The following AHNAK2 variants were observed in gnomAD, a reference collection of about 807,000 sequenced individuals.
AHNAK2 encodes the protein protein AHNAK2.
Under a neutral mutation model 30.7 loss-of-function variants are expected in AHNAK2, and 18 were observed. That is an observed-to-expected ratio of 0.59 (90% CI 0.41 to 0.87). The LOEUF is 0.87. Ranked by LOEUF, AHNAK2 falls within the 40% of genes least tolerant of loss-of-function variation. AHNAK2 has a pLI of 0.00. For missense variants in AHNAK2, 8,604 were observed against 7,373.0 expected, an observed-to-expected ratio of 1.17 and a Z score of -6.11; for synonymous variants, 3,590 against 3,073.8, an observed-to-expected ratio of 1.17 and a Z score of -5.56.
In AHNAK2 at chr14:104,950,584, T is replaced by G. The variant is rs903146649; in HGVS notation, c.4867A>C (p.Ser1623Arg). The G allele has an allele frequency of 7.6e-6, 12 of 1,587,148 alleles. 2 individuals carry two copies. Among genetic ancestry groups the G allele is most frequent in the Non-Finnish European group, 9.5e-6 (11 of 1,162,930 alleles). The change falls in exon 7 of 7, where the codon AGC (serine) becomes CGC (arginine). Residue 1623 changes from serine (S) to arginine (R), a missense_variant. By Grantham distance (110) the Ser-to-Arg change is moderately radical. Coordinates refer to ENST00000333244, the MANE Select transcript of AHNAK2 (RefSeq NM_138420.4). ...GGGGCCTGGACGTCCACCTCCATGC[T>G]GGACAGAGACATCTTCACATCGGGG... Reference protein sequence around the residue: ...TAPDVKMSLSSMEVDVQAPRA... With the variant: ...TAPDVKMSLSRMEVDVQAPRA...
rs1171286107 is a variant in AHNAK2 at position 104,938,038 on chromosome 14, C to G, written c.*25G>C. 14 of 1,603,370 alleles carry G rather than the reference C, an allele frequency of 8.7e-6. No homozygotes were observed. In the Admixed American group the frequency reaches 2.4e-4, roughly 27 times the overall value. On this transcript the variant is annotated 3_prime_UTR_variant, in exon 7 of 7. Transcript: ENST00000333244. ...CTTTCCAACTTAGTTTTTTGCATCT[C>G]TCTTGTACTGATGAGCCATACCTCT...
rs766737453 is a variant in AHNAK2 at position 104,942,639 on chromosome 14, G to A, written c.12812C>T (p.Pro4271Leu). ...CCGCACACTGTCCAGCTTGGCTCCC[G>A]GGGCCTCGACGTCCACCTCCATGCT... ...LPSMEVDVEA[P>L]GAKLDSVRLE... Residue 4271 changes from proline to leucine, a missense_variant, in exon 7 of 7, where the codon CCG becomes CTG. Transcript: ENST00000333244. The A allele has an allele frequency of 9.3e-6, 15 of 1,612,516 alleles. No homozygotes were observed. Among genetic ancestry groups the A allele is most frequent in the Non-Finnish European group, 1.1e-5 (13 of 1,179,066 alleles).
intron 1 of AHNAK2, among the ~76,000 whole-genome samples, chr14:104,968,096 C>T (rs1465791027): frequency 2.0e-5 from 3 of 152,236 alleles, no homozygotes; most frequent in South Asian, 2.1e-4. Context: ...CTGGTCAGGC[C>T]GTTGGCACCT....
chr14:104,963,304 G>A (rs1010270704), intron 1 of AHNAK2, among the ~76,000 whole-genome samples: 7 of 152,206 alleles, frequency 4.6e-5, no homozygotes, highest in Non-Finnish European at 7.3e-5. Context: ...CGTACACAAA[G>A]CTGTGATGAT....
At chr14:104,967,068 A>G (rs57499144) in intron 1 of AHNAK2, among the ~76,000 whole-genome samples, 4,387 of 152,210 alleles carry the variant, frequency 0.029, 211 homozygotes, top group African/African-American at 0.098. Context: ...CCCTGGCAGC[A>G]GGTGCAGCTG....
chr14:104,972,909 G>A (rs1322977296), intron 1 of AHNAK2, among the ~76,000 whole-genome samples: 2 of 152,222 alleles, frequency 1.3e-5, no homozygotes, highest in African/African-American at 2.4e-5. Context: ...CAGGCTGGAG[G>A]CCCTGGGCTC....
rs754124779 is a variant in AHNAK2 at position 104,955,524 on chromosome 14, A to C, written c.425T>G (p.Leu142Arg). 1.9e-6 allele frequency: 3 copies of C among 1,613,660 alleles called. No individual in the cohort carries two copies. Among genetic ancestry groups the C allele is most frequent in the Non-Finnish European group, 1.7e-6 (2 of 1,179,802 alleles). The change falls in exon 5 of 7, where the codon CTG becomes CGG. Residue 142 changes from leucine (L) to arginine (R), a missense_variant. Transcript: ENST00000333244. ...AAGCTTGGCGGCTGAGGAGTCCTTC[A>C]GCACTTGCTTGACGAAGATCCCCTG... ...GDQGIFVKQV[L>R]KDSSAAKLFN...
In AHNAK2 at chr14:104,947,288, A is replaced by C. The variant is rs780127043; in HGVS notation, c.8163T>G (p.Val2721=). 3.9e-5 allele frequency: 62 copies of C among 1,608,368 alleles called. 1 individual carries two copies. Among genetic ancestry groups the C allele is most frequent in the East Asian group, 1.8e-4 (8 of 44,420 alleles). ...GCCCTTTGAGGCCGGCTCCCTCGGG[A>C]ACGTGGCCCTCTGGGAGTTTCACAT... ...QVDVKLPEGH[V]PEGAGLKGHL... is the part of the protein sequence containing the mutation. Residue 2721 remains valine, a synonymous_variant, in exon 7 of 7, where the codon GTT becomes GTG. Transcript: ENST00000333244.
chr14:104,966,332 C>A lies in AHNAK2; in HGVS notation c.56-8660G>T, dbSNP rs984863857. On this transcript the variant is annotated intron_variant, in intron 1 of 6. Coordinates refer to ENST00000333244, the MANE Select transcript of AHNAK2 (RefSeq NM_138420.4). This position sits in a 1 kb window ranked among gnomAD's most constrained non-coding sequence, Gnocchi z 4.3. ...TCCCCCACCTGCCAAACCAGCCTTG[C>A]CCACGGTGTCAGCCCAAGAATTGTA... Among the ~76,000 whole-genome samples, 5 of 152,130 alleles carry A rather than the reference C, an allele frequency of 3.3e-5. No homozygotes were observed. The highest frequency in any genetic ancestry group is 4.8e-5 in the African/African-American group (2 of 41,408).
chr14:104,955,720 G>A, intron 4 of AHNAK2, 87 bp from the exon 5 acceptor site: 3 of 1,507,320 alleles, frequency 2.0e-6, no homozygotes, highest in Middle Eastern at 2.1e-4. Flanking sequence ...TCCAGAGGAT[G>A]GGCACCCCAC....
rs1337032041 is a variant in AHNAK2 at position 104,941,704 on chromosome 14, T to C, written c.13747A>G (p.Met4583Val). The C allele has an allele frequency of 1.2e-6, 2 of 1,613,720 alleles. No individual in the cohort carries two copies. The highest frequency in any genetic ancestry group is 1.3e-5 in the African/African-American group (1 of 74,976). ...LDLKGPKAEV[M>V]APDVEVSLPS... ...AGAGACACCTCCACATCGGGGGCCA[T>C]CACCTCTGCCTTTGGGCCTTTCAGG... The change falls in exon 7 of 7, where the codon ATG (methionine) becomes GTG (valine). Residue 4583 changes from methionine to valine, a missense_variant. Met to Val is a conservative substitution (Grantham distance 21). Transcript: ENST00000333244.
chr14:104,949,628 T>G lies in AHNAK2; in HGVS notation c.5823A>C (p.Glu1941Asp), dbSNP rs751555786. Residue 1941 changes from glutamate (E) to aspartate (D), a missense_variant, in exon 7 of 7, where the codon GAA becomes GAC. Glu to Asp is a conservative substitution (Grantham distance 45). Coordinates refer to ENST00000333244, the MANE Select transcript of AHNAK2 (RefSeq NM_138420.4). ...AKLDLKGPKAEVTAPDVEVSL... is the reference protein window; with the variant it reads ...AKLDLKGPKADVTAPDVEVSL... Reference sequence around the variant, plus strand: ...ACACCTCGACATCGGGGGCTGTCACTTCCGCCTTGGGGCCTTTCAGGTCCA... The same window carrying G: ...ACACCTCGACATCGGGGGCTGTCACGTCCGCCTTGGGGCCTTTCAGGTCCA... The G allele has an allele frequency of 4.8e-5, 76 of 1,586,776 alleles. 8 individuals are homozygous for G. The South Asian group carries it at 8.1e-4, about 17-fold the overall frequency.
chr14:104,956,028 G>A (rs1300108643), intron 4 of AHNAK2, among the ~76,000 whole-genome samples: 4 of 152,208 alleles, frequency 2.6e-5, no homozygotes, highest in Non-Finnish European at 4.4e-5. Context: ...TGATGCTCAA[G>A]ACAAGGAAGC....
In AHNAK2 at chr14:104,941,822, T is replaced by C. The variant is rs747559750; in HGVS notation, c.13629A>G (p.Lys4543=). 2.5e-6 allele frequency: 4 copies of C among 1,613,394 alleles called. No homozygotes were observed. The Admixed American group carries it at 6.7e-5, about 27-fold the overall frequency. The change falls in exon 7 of 7, where the codon AAA becomes AAG. Residue 4543 remains lysine, a synonymous_variant. Transcript: ENST00000333244. ...EGHMPEVAGL[K]GHLPKVEMPS... The stretch of plus-strand genomic sequence containing the variant: ...GCATCTCCACCTTGGGCAGGTGCCC[T>C]TTGAGGCCGGCTACCTCGGGCATGT...
chr14:104,941,244 A>G lies in AHNAK2; in HGVS notation c.14207T>C (p.Leu4736Ser). The G allele has an allele frequency of 1.2e-6, 2 of 1,613,672 alleles. No individual in the cohort carries two copies. Among genetic ancestry groups the G allele is most frequent in the Non-Finnish European group, 1.7e-6 (2 of 1,179,902 alleles). Residue 4736 changes from leucine (L) to serine (S), a missense_variant, in exon 7 of 7, where the codon TTA (leucine) becomes TCA (serine). Physicochemically the swap from Leu to Ser is moderately radical, Grantham distance 145 (BLOSUM62 -2). Coordinates refer to ENST00000333244, the MANE Select transcript of AHNAK2 (RefSeq NM_138420.4). Reference protein sequence around the residue: ...KSSIGLSTIPLSSSECSSFEL... With the variant: ...KSSIGLSTIPSSSSECSSFEL... The stretch of plus-strand genomic sequence containing the variant: ...AAAACTTGAGCATTCTGAAGATGAT[A>G]AAGGAATCGTGGAAAGACCTATGCT...
At position 104,943,196 on chromosome 14, in the gene AHNAK2, C is replaced by T. The variant is rs545250059; in HGVS notation, c.12255G>A (p.Ala4085=). The T allele has an allele frequency of 3.3e-5, 53 of 1,613,192 alleles. 1 individual carries two copies. In the Admixed American group the frequency reaches 4.2e-4, roughly 13 times the overall value. ...GPKLDLKGPK[A]EVTAPDVKMS... ...TCTTCACATCAGGGGCTGTCACTTC[C>T]GCCTTGGGGCCTTTCAGGTCCAGCT... is the stretch of plus-strand genomic sequence containing the variant. Residue 4085 remains alanine, a synonymous_variant, in exon 7 of 7, where the codon GCG becomes GCA. Coordinates refer to ENST00000333244, the MANE Select transcript of AHNAK2 (RefSeq NM_138420.4).
rs778524271 is a variant in AHNAK2 at position 104,943,689 on chromosome 14, T to G, written c.11762A>C (p.Glu3921Ala). 2 of 1,612,930 alleles carry G rather than the reference T, an allele frequency of 1.2e-6. No homozygotes were observed. The highest frequency in any genetic ancestry group is 2.7e-5 in the African/African-American group (2 of 74,628). ...PKLDLKDPKV[E>A]VTAPDVEVSL... is the part of the protein sequence containing the mutation. The stretch of plus-strand genomic sequence containing the variant: ...AACCTCCACATCAGGGGCTGTCACT[T>G]CCACCTTGGGGTCTTTTAGGTCCAG... Residue 3921 changes from glutamate to alanine, a missense_variant, in exon 7 of 7, where the codon GAA becomes GCA. By Grantham distance (107) the Glu-to-Ala change is moderately radical. Transcript: ENST00000333244.
Position 104,972,827 on chromosome 14 carries a change from G to A in AHNAK2, c.55+5356C>T, listed in dbSNP as rs138807032. Among the ~76,000 whole-genome samples the A allele has an allele frequency of 7.9e-5, 12 of 152,346 alleles. No individual in the cohort carries two copies. In the East Asian group the frequency reaches 9.7e-4, roughly 12 times the overall value. Reference sequence around the variant, plus strand: ...GCTCCCCCGCCAGGCACTCAGAACCGAGCCCTCGGCTCCAGAGCCCCTGGC... The same window carrying A: ...GCTCCCCCGCCAGGCACTCAGAACCAAGCCCTCGGCTCCAGAGCCCCTGGC... On this transcript the variant is annotated intron_variant, in intron 1 of 6. Transcript: ENST00000333244.
chr14:104,952,424 C>T lies in AHNAK2; in HGVS notation c.3027G>A (p.Gly1009=). Residue 1009 remains glycine, a synonymous_variant, in exon 7 of 7, where the codon GGG becomes GGA. Coordinates refer to ENST00000333244, the MANE Select transcript of AHNAK2 (RefSeq NM_138420.4). ...KMPKFKMPSF[G]VSAPGKSIKA... Reference sequence around the variant, plus strand: ...TGATGGACTTCCCTGGGGCCGATACCCCGAACGACGGCATCTTGAACTTGG... The same window carrying T: ...TGATGGACTTCCCTGGGGCCGATACTCCGAACGACGGCATCTTGAACTTGG... The T allele has an allele frequency of 6.2e-7, 1 of 1,612,774 alleles. No homozygotes were observed.
Sources: allele counts gnomAD v4.1 joint callset (sites outside exome capture counted in the v4.1 genomes callset), GRCh38; gene constraint gnomAD v4.1.1; non-coding constraint Gnocchi (gnomAD v3.1); transcripts MANE v1.5; gene names NCBI Gene and HGNC (gene_info 2026-07-23, HGNC 2026-07-21).